NNT: variants seen among roughly 807,000 people sequenced by gnomAD.
NNT encodes the protein NAD(P) transhydrogenase, mitochondrial.
In NNT, 50 loss-of-function variants were observed where a neutral mutation model predicts 104.8. The observed-to-expected ratio is 0.48, with a 90% confidence interval of 0.38 to 0.60. The LOEUF is 0.60. Among genes scored for constraint, NNT ranks in the 20% least tolerant of loss-of-function variants. The pLI, the probability that NNT is intolerant of heterozygous loss-of-function variation, is 0.00. For synonymous variants in NNT, 461 were observed against 490.4 expected, an observed-to-expected ratio of 0.94 and a Z score of 0.79; for missense variants, 1,131 against 1,330.7, an observed-to-expected ratio of 0.85 and a Z score of 2.33.
chr5:43,648,292 G>T lies in NNT; in HGVS notation c.1445-855G>T, dbSNP rs112113376. The stretch of plus-strand genomic sequence containing the variant: ...CTTCCAAAGTAATAGTTTACATCAA[G>T]GAAAAAGGTACCTTATTCAGGAAAG... On this transcript the variant is annotated intron_variant, in intron 10 of 21. Transcript: ENST00000344920. 308 of 983,204 alleles carry T rather than the reference G, an allele frequency of 3.1e-4. 1 individual carries two copies. The African/African-American group carries it at 4.5e-3, about 14-fold the overall frequency. The allele number at this position is 983,204 out of a possible 1,614,324, so 60.9% of individuals were successfully genotyped here.
intron 10 of NNT, chr5:43,647,897 T>G: frequency 2.2e-6 from 1 of 454,974 alleles, no homozygotes; most frequent in Non-Finnish European, 4.4e-6. Context: ...AATTCAGCAG[T>G]GGGTATATTA....
intron 1 of NNT, among the ~76,000 whole-genome samples, chr5:43,604,935 G>C (rs1749125528): frequency 6.6e-6 from 1 of 152,100 alleles, no homozygotes. Flanking sequence ...GCCTCCCAAA[G>C]AGATGGCATT....
At chr5:43,704,209 G>T in intron 21 of NNT, 46 bp from the exon 22 acceptor site, 2 of 1,501,696 alleles carry the variant, frequency 1.3e-6, no homozygotes, top group Non-Finnish European at 1.8e-6. Flanking sequence ...ACATGTCCTA[G>T]GTTGGTCTGT....
At chr5:43,656,514 A>G in intron 15 of NNT, 139 bp from the exon 16 acceptor site, 1 of 714,532 alleles carries the variant, frequency 1.4e-6, no homozygotes, top group Non-Finnish European at 2.2e-6. Context: ...GGACTAGTTG[A>G]CTTTTGATAA....
rs546039526 is a variant in NNT at position 43,669,357 on chromosome 5, C to G, written c.2635-6154C>G. On this transcript the variant is annotated intron_variant, in intron 17 of 21. Coordinates refer to ENST00000344920, the MANE Select transcript of NNT (RefSeq NM_182977.3). Reference sequence around the variant, plus strand: ...TGAGAGAGGGCATCCCTGTCTTGTGCCAGTTTTCAAAGGGAATGCTTCCAG... The same window carrying G: ...TGAGAGAGGGCATCCCTGTCTTGTGGCAGTTTTCAAAGGGAATGCTTCCAG... Among the ~76,000 whole-genome samples, 18 of 152,082 alleles carry G rather than the reference C, an allele frequency of 1.2e-4. No individual in the cohort carries two copies. In the East Asian group the frequency reaches 1.9e-3, roughly 16 times the overall value.
In NNT at chr5:43,637,370, G is replaced by C. The variant is rs143775099; in HGVS notation, c.965-6822G>C. Reference sequence around the variant, plus strand: ...TATAAAAACCCTTTTGTTATCATTGGTAACATTTTAAAAGCTTAAGACTCA... The same window carrying C: ...TATAAAAACCCTTTTGTTATCATTGCTAACATTTTAAAAGCTTAAGACTCA... On this transcript the variant is annotated intron_variant, in intron 7 of 21. Transcript: ENST00000344920. Among the ~76,000 whole-genome samples the C allele has an allele frequency of 7.2e-5, 11 of 152,160 alleles. No homozygotes were observed. In the East Asian group the frequency reaches 1.7e-3, roughly 24 times the overall value.
Position 43,677,522 on chromosome 5 carries a change from T to A in NNT, c.2795-203T>A, listed in dbSNP as rs559550709. On this transcript the variant is annotated intron_variant, in intron 18 of 21. Transcript: ENST00000344920. Reference sequence around the variant, plus strand: ...AGCAGCATGAGACACTACAGAAGATTGAGGAGCAATCATTACATTTTCAAT... The same window carrying A: ...AGCAGCATGAGACACTACAGAAGATAGAGGAGCAATCATTACATTTTCAAT... 3.3e-5 allele frequency among the ~76,000 whole-genome samples: 5 copies of A among 152,038 alleles called. No individual in the cohort carries two copies. The East Asian group carries it at 5.8e-4, about 18-fold the overall frequency.
intron 19 of NNT, among the ~76,000 whole-genome samples, chr5:43,692,933 T>C (rs1450903382): frequency 1.3e-5 from 2 of 152,236 alleles, no homozygotes; most frequent in African/African-American, 4.8e-5. Flanking sequence ...ATGTGCATTT[T>C]GCTTTGTTTG....
chr5:43,693,535 G>A (rs937145656), intron 19 of NNT, among the ~76,000 whole-genome samples: 3 of 152,170 alleles, frequency 2.0e-5, no homozygotes, highest in Non-Finnish European at 2.9e-5. Flanking sequence ...AACAGCTGTA[G>A]TAGTACTGAA....
chr5:43,643,850 GGCA>G (rs1401526741), intron 7 of NNT, among the ~76,000 whole-genome samples: 130 of 152,280 alleles, frequency 8.5e-4, no homozygotes, highest in African/African-American at 2.9e-3. Context: ...TTTATTATTA[GGCA>G]TTTTTTAAAA....
At chr5:43,692,154 T>G (rs1742315386) in intron 19 of NNT, among the ~76,000 whole-genome samples, 1 of 152,212 alleles carries the variant, frequency 6.6e-6, no homozygotes, top group Non-Finnish European at 1.5e-5. Context: ...AGATCAGTTT[T>G]CATTGACGTA....
chr5:43,649,352 G>T (rs754883180), intron 11 of NNT, 44 bp downstream of exon 11: 18 of 1,605,870 alleles, frequency 1.1e-5, no homozygotes, highest in Non-Finnish European at 1.5e-5. Flanking sequence ...TTTTCATAGG[G>T]TTACTCAGCT....
At position 43,628,306 on chromosome 5, in the gene NNT, G is replaced by C; in HGVS notation, c.883G>C (p.Glu295Gln). 1 of 1,614,016 alleles carries C rather than the reference G, an allele frequency of 6.2e-7. No homozygotes were observed. Among genetic ancestry groups the C allele is most frequent in the East Asian group, 2.2e-5 (1 of 44,866 alleles). The change falls in exon 7 of 22, where the codon GAG (glutamate) becomes CAG (glutamine). Residue 295 changes from glutamate to glutamine, a missense_variant. Transcript: ENST00000344920. ...AGGATATGCAAAAGAGATGTCCAAA[G>C]AGTTCATTGAAGCTGAAATGAAACT... ...QGGYAKEMSKEFIEAEMKLFA... is the reference protein window; with the variant it reads ...QGGYAKEMSKQFIEAEMKLFA...
intron 19 of NNT, among the ~76,000 whole-genome samples, chr5:43,686,489 T>C (rs918677739): frequency 3.3e-5 from 5 of 152,060 alleles, no homozygotes; most frequent in African/African-American, 9.7e-5. Flanking sequence ...TTTAGTATTT[T>C]TGATGTAGCT....
intron 17 of NNT, among the ~76,000 whole-genome samples, chr5:43,667,854 T>C (rs1010904880): frequency 1.3e-5 from 2 of 152,192 alleles, no homozygotes; most frequent in African/African-American, 4.8e-5. Flanking sequence ...ACTGTCTTCC[T>C]CAATGGTTGA....
Position 43,645,511 on chromosome 5 carries a change from G to A in NNT, c.1444+1G>A. The stretch of plus-strand genomic sequence containing the variant: ...TCAACGGCTTCTGCATATACAGCAG[G>A]TGAGGATACCATTTACCAGGGTTTA... On this transcript the variant is annotated splice_donor_variant, in intron 10 of 21. Coordinates refer to ENST00000344920, the MANE Select transcript of NNT (RefSeq NM_182977.3). LOFTEE classifies it high-confidence loss of function. 2.0e-6 allele frequency: 3 copies of A among 1,495,076 alleles called. No homozygotes were observed. Among genetic ancestry groups the A allele is most frequent in the East Asian group, 2.5e-5 (1 of 39,366 alleles). The allele number at this position is 1,495,076 out of a possible 1,614,324, so 92.6% of individuals were successfully genotyped here. A position where few individuals can be genotyped will look rare whatever the true frequency, so the allele number is the denominator to read the frequency against.
At chr5:43,701,699 G>A (rs943247081) in intron 20 of NNT, among the ~76,000 whole-genome samples, 3 of 152,116 alleles carry the variant, frequency 2.0e-5, no homozygotes, top group African/African-American at 4.8e-5. Context: ...TACAAACAGC[G>A]TGTAAATGTT....
At chr5:43,684,313 A>G (rs991603832) in intron 19 of NNT, among the ~76,000 whole-genome samples, 1 of 152,172 alleles carries the variant, frequency 6.6e-6, no homozygotes, top group East Asian at 1.9e-4. Context: ...CTTCAAAAAA[A>G]GAAAAGTACA....
chr5:43,684,608 C>T (rs1051011189), intron 19 of NNT, among the ~76,000 whole-genome samples: 10 of 151,938 alleles, frequency 6.6e-5, no homozygotes, highest in Middle Eastern at 3.4e-3. Flanking sequence ...TAGACTAGCC[C>T]GACCCAGTTG....
Sources: allele counts gnomAD v4.1 joint callset (sites outside exome capture counted in the v4.1 genomes callset), GRCh38; gene constraint gnomAD v4.1.1; transcripts MANE v1.5; gene names NCBI Gene and HGNC (gene_info 2026-07-23, HGNC 2026-07-21).